The following DST variants were observed in gnomAD, a reference collection of about 807,000 sequenced individuals.
DST encodes dystonin.
DST carries 253 observed loss-of-function variants against 875.2 expected under a neutral mutation model. The observed-to-expected ratio is 0.29, with a 90% confidence interval of 0.26 to 0.32. The LOEUF (loss-of-function observed/expected upper bound fraction) is 0.32, where lower values mean the gene tolerates loss of function less well. Among genes scored for constraint, DST ranks in the 10% least tolerant of loss-of-function variants. DST has a pLI of 1.00. For missense variants in DST, 8,287 were observed against 9,111.6 expected, an observed-to-expected ratio of 0.91 and a Z score of 3.68; for synonymous variants, 3,124 against 3,197.1, an observed-to-expected ratio of 0.98 and a Z score of 0.77.
At chr6:56,722,780 T>C (rs192324484) in intron 5 of DST, among the ~76,000 whole-genome samples, 35 of 152,280 alleles carry the variant, frequency 2.3e-4, no homozygotes, top group Admixed American at 7.8e-4. Flanking sequence ...TAAAGGTAAG[T>C]AAATAGCTGA....
At chr6:56,711,953 T>C (rs1243204921) in intron 5 of DST, among the ~76,000 whole-genome samples, 2 of 150,192 alleles carry the variant, frequency 1.3e-5, no homozygotes, top group East Asian at 1.9e-4. Context: ...TAGCCGGGCG[T>C]AGTGGCGGGC....
chr6:56,822,067 A>G (rs1159963843), intron 4 of DST, among the ~76,000 whole-genome samples: 1 of 152,238 alleles, frequency 6.6e-6, no homozygotes, highest in Non-Finnish European at 1.5e-5. Flanking sequence ...AATTCTAAAG[A>G]AAATTCATGC....
chr6:56,489,953 G>C (rs1046834656), intron 85 of DST, among the ~76,000 whole-genome samples: 6 of 152,022 alleles, frequency 3.9e-5, no homozygotes, highest in Non-Finnish European at 7.4e-5. Flanking sequence ...AAAATGTTTT[G>C]TATTTTTGTT....
At chr6:56,749,528 C>A (rs148113670) in intron 4 of DST, among the ~76,000 whole-genome samples, 215 of 152,166 alleles carry the variant, frequency 1.4e-3, no homozygotes, top group African/African-American at 4.9e-3. Context: ...CCTTAATACA[C>A]GGCCTAATAT....
At chr6:56,682,087 G>A (rs1303787992) in intron 9 of DST, among the ~76,000 whole-genome samples, 2 of 152,206 alleles carry the variant, frequency 1.3e-5, no homozygotes, top group Non-Finnish European at 2.9e-5. Context: ...AGGTCAACAT[G>A]CCTACATAAA....
At chr6:56,742,095 A>G (rs901433544) in intron 4 of DST, among the ~76,000 whole-genome samples, 4 of 152,208 alleles carry the variant, frequency 2.6e-5, no homozygotes, top group African/African-American at 9.7e-5. Flanking sequence ...GTGGACAACA[A>G]TAGGCAGGGG....
intron 2 of DST, among the ~76,000 whole-genome samples, chr6:56,936,573 T>C (rs1438565271): frequency 6.6e-6 from 1 of 152,162 alleles, no homozygotes; most frequent in African/African-American, 2.4e-5. Context: ...TTTTTTTTCT[T>C]TTCTCACAGC....
intron 36 of DST, 67 bp downstream of exon 36, chr6:56,624,463 C>G: frequency 9.2e-7 from 1 of 1,088,276 alleles, no homozygotes; most frequent in Non-Finnish European, 1.4e-6. Context: ...CTTTCCCAAA[C>G]TACACTGTAG....
rs541731747 is a variant in DST at position 56,868,058 on chromosome 6, A to T, written c.418-16454T>A. On this transcript the variant is annotated intron_variant, in intron 3 of 103. Coordinates refer to ENST00000680361, the MANE Select transcript of DST (RefSeq NM_001374736.1). ...CCAAATATTATTATGTAGTTTTTTT[A>T]AAAAACATTAAATGTCTGGGTTTTC... Among the ~76,000 whole-genome samples, 68 of 152,282 alleles carry T rather than the reference A, an allele frequency of 4.5e-4. 1 individual carries two copies. In the East Asian group the frequency reaches 0.013, roughly 28 times the overall value.
rs3002013 is a variant in DST, at chr6:56,762,178, G to A, written c.626-26889C>T. 5.4e-3 allele frequency among the ~76,000 whole-genome samples: 823 copies of A among 152,050 alleles called. 7 individuals carry two copies. Among genetic ancestry groups the A allele is most frequent in the African/African-American group, 0.019 (779 of 41,468 alleles). Reference sequence around the variant, plus strand: ...TGGGATTACAGGTATGCGCCACCACGCCCGGCTAATTTTTTGTATTTTTAG... The same window carrying A: ...TGGGATTACAGGTATGCGCCACCACACCCGGCTAATTTTTTGTATTTTTAG... On this transcript the variant is annotated intron_variant, in intron 4 of 103. Coordinates refer to ENST00000680361, the MANE Select transcript of DST (RefSeq NM_001374736.1).
At chr6:56,827,458 G>A (rs1297241085) in intron 4 of DST, among the ~76,000 whole-genome samples, 2 of 137,738 alleles carry the variant, frequency 1.5e-5, no homozygotes, top group African/African-American at 2.8e-5. Flanking sequence ...AGTCACCTGA[G>A]ATCGTGCCAC....
At chr6:56,935,469 A>G (rs1029950208) in intron 2 of DST, among the ~76,000 whole-genome samples, 2 of 152,248 alleles carry the variant, frequency 1.3e-5, no homozygotes, top group Non-Finnish European at 2.9e-5. Context: ...AAAACTTGTT[A>G]ATGGTCTACT....
intron 49 of DST, among the ~76,000 whole-genome samples, chr6:56,590,929 T>A (rs188255062): frequency 6.6e-5 from 10 of 152,342 alleles, no homozygotes; most frequent in Admixed American, 1.3e-4. Flanking sequence ...AATACCTAAC[T>A]TTAAGCTTGC....
intron 3 of DST, among the ~76,000 whole-genome samples, chr6:56,869,740 G>A (rs905782877): frequency 6.6e-6 from 1 of 152,044 alleles, no homozygotes; most frequent in Non-Finnish European, 1.5e-5. Flanking sequence ...TGTCACCAAG[G>A]CTGAAGTGCA....
intron 54 of DST, 81 bp downstream of exon 54, chr6:56,569,775 A>G (rs1308382808): frequency 7.6e-6 from 10 of 1,313,906 alleles, no homozygotes; most frequent in Non-Finnish European, 1.1e-5. Flanking sequence ...ATGATATTAG[A>G]TCAAAGAAAA....
intron 3 of DST, among the ~76,000 whole-genome samples, chr6:56,878,574 G>A (rs185825677): frequency 5.3e-5 from 8 of 152,260 alleles, no homozygotes; most frequent in Admixed American, 2.0e-4. Context: ...AAGCTCAGAG[G>A]ACCAAGGCAG....
chr6:56,821,359 G>T (rs189753066), intron 4 of DST, among the ~76,000 whole-genome samples: 1 of 152,306 alleles, frequency 6.6e-6, no homozygotes, highest in Admixed American at 6.5e-5. Flanking sequence ...AATGAAGCTT[G>T]CAAGGAAGCA....
Position 56,470,260 on chromosome 6 carries a change from C to A in DST, c.22344G>T (p.Glu7448Asp). The change falls in exon 96 of 104, where the codon GAG (glutamate) becomes GAT (aspartate). Residue 7448 changes from glutamate (E) to aspartate (D), a missense_variant. Transcript: ENST00000680361. ...LSSKFPTSRL[E>D]MSAVADIFDR... ...CAAAGATGTCTGCAACTGCGCTCATCTCCAAGCGACTGGTTGGAAACTCTA... is the reference window on the plus strand; with the variant it reads ...CAAAGATGTCTGCAACTGCGCTCATATCCAAGCGACTGGTTGGAAACTCTA... 1 of 1,606,722 alleles carries A rather than the reference C, an allele frequency of 6.2e-7. No homozygotes were observed. Among genetic ancestry groups the A allele is most frequent in the Admixed American group, 1.7e-5 (1 of 59,146 alleles).
rs2098649971 is a variant in DST at position 56,618,331 on chromosome 6, T to C, written c.4930-3847A>G. The C allele has an allele frequency of 6.2e-7, 1 of 1,614,186 alleles. No individual in the cohort carries two copies. The highest frequency in any genetic ancestry group is 1.3e-5 in the African/African-American group (1 of 75,048). ...GGGATCTGGGTGTTGGGTGAAGGTG[T>C]CCAGTGTTTCTAGAGGACAGCTCTC... On this transcript the variant is annotated intron_variant, in intron 36 of 103. Transcript: ENST00000680361.
Sources: gnomAD v4.1 joint callset for allele counts (sites outside exome capture counted in the v4.1 genomes callset) on GRCh38, gnomAD v4.1.1 for gene constraint, MANE v1.5 for transcripts, NCBI Gene and HGNC (gene_info 2026-07-23, HGNC 2026-07-21) for gene names.